The following DIP2C variants were observed in gnomAD, a reference collection of about 807,000 sequenced individuals.
DIP2C encodes the protein DIP2 acetate--CoA ligase C (putative).
In DIP2C, 33 loss-of-function variants were observed where a neutral mutation model predicts 192.4. The ratio of observed to expected loss-of-function variants is 0.17; its 90% CI spans 0.13 to 0.23. The LOEUF (loss-of-function observed/expected upper bound fraction) is 0.23, where lower values mean the gene tolerates loss of function less well. Among genes scored for constraint, DIP2C ranks in the 10% least tolerant of loss-of-function variants. DIP2C has a pLI of 1.00. For synonymous variants in DIP2C, 979 were observed against 864.1 expected (o/e 1.13, Z -2.33); for missense variants, 1,537 against 2,110.1 (o/e 0.73, Z 5.32).
chr10:406,068 A>C (rs962260164), intron 9 of DIP2C, among the ~76,000 whole-genome samples: 13 of 152,326 alleles, frequency 8.5e-5, no homozygotes, highest in African/African-American at 2.6e-4. Context: ...CCGTATCTCT[A>C]CTGACATCTT....
At chr10:572,166 A>G (rs769353591) in intron 1 of DIP2C, among the ~76,000 whole-genome samples, 1 of 152,230 alleles carries the variant, frequency 6.6e-6, no homozygotes, top group African/African-American at 2.4e-5. Context: ...GGGGCCCTCG[A>G]CAGCCTCATG....
At chr10:546,903 C>T (rs984902080) in intron 1 of DIP2C, among the ~76,000 whole-genome samples, 4 of 152,172 alleles carry the variant, frequency 2.6e-5, no homozygotes, top group East Asian at 1.9e-4. Flanking sequence ...TTGGGAATAA[C>T]GTAAGGTATT....
chr10:337,800 C>CCTAGGCAGCTGTGT (rs1564577014), intron 29 of DIP2C, among the ~76,000 whole-genome samples: 26 of 122,646 alleles, frequency 2.1e-4, no homozygotes, highest in Non-Finnish European at 3.6e-4. Context: ...TGTGTGTGCA[C>CCTAGGCAGCTGTGT]GTGTGTCGTG....
intron 3 of DIP2C, among the ~76,000 whole-genome samples, chr10:470,340 TC>T (rs1970529647): frequency 6.6e-6 from 1 of 152,106 alleles, no homozygotes; most frequent in Non-Finnish European, 1.5e-5. Flanking sequence ...GGGTCTAGCT[TC>T]CCCTCCAGAG....
At chr10:485,263 AG>A (rs987798692) in intron 2 of DIP2C, among the ~76,000 whole-genome samples, 3 of 152,226 alleles carry the variant, frequency 2.0e-5, no homozygotes, top group Non-Finnish European at 2.9e-5. Flanking sequence ...GCACCTGCAG[AG>A]GGGAACTCAC....
chr10:519,561 C>A (rs1846568138), intron 1 of DIP2C, among the ~76,000 whole-genome samples: 1 of 152,204 alleles, frequency 6.6e-6, no homozygotes, highest in Admixed American at 6.5e-5. Flanking sequence ...TGGGTCCCCC[C>A]AGCTGGCACC....
intron 1 of DIP2C, among the ~76,000 whole-genome samples, chr10:601,803 G>A (rs189431661): frequency 7.1e-4 from 108 of 152,364 alleles, no homozygotes; most frequent in African/African-American, 2.5e-3. Context: ...GGGGACGCAG[G>A]CGATGGGGTG....
chr10:459,117 T>C (rs1465198389), intron 3 of DIP2C, among the ~76,000 whole-genome samples: 2 of 152,206 alleles, frequency 1.3e-5, no homozygotes, highest in African/African-American at 4.8e-5. Context: ...ATTTTGATAT[T>C]TGTGGCATTA....
At chr10:417,704 C>CAGAGCTCGGACA (rs139265409) in intron 6 of DIP2C, among the ~76,000 whole-genome samples, 1 of 111,270 alleles carries the variant, frequency 9.0e-6, no homozygotes, top group Non-Finnish European at 1.9e-5. Flanking sequence ...CTGTGCCTGT[C>CAGAGCTCGGACA]GGCTCAAATA....
chr10:566,375 G>A (rs912398244), intron 1 of DIP2C, among the ~76,000 whole-genome samples: 3 of 152,316 alleles, frequency 2.0e-5, no homozygotes, highest in Non-Finnish European at 2.9e-5. Context: ...TGCTGCTGCC[G>A]GTTCACCTGG....
intron 1 of DIP2C, among the ~76,000 whole-genome samples, chr10:676,072 G>C (rs1420186390): frequency 6.6e-6 from 1 of 152,208 alleles, no homozygotes; most frequent in African/African-American, 2.4e-5. Flanking sequence ...CCACGATCAA[G>C]TGGGATTTCT....
intron 1 of DIP2C, among the ~76,000 whole-genome samples, chr10:514,570 C>G (rs1007227843): frequency 9.2e-5 from 14 of 152,212 alleles, no homozygotes; most frequent in Non-Finnish European, 1.8e-4. Flanking sequence ...CAGACCAGAC[C>G]TCACTCCAAG....
At position 363,140 on chromosome 10, in the gene DIP2C, G is replaced by A. The variant is rs1366127684; in HGVS notation, c.2592+57C>T. The A allele has an allele frequency of 2.7e-6, 4 of 1,494,696 alleles. No individual in the cohort carries two copies. Among genetic ancestry groups the A allele is most frequent in the African/African-American group, 2.8e-5 (2 of 72,448 alleles). The allele number at this position is 1,494,696 out of a possible 1,614,324, so 92.6% of individuals were successfully genotyped here. A position where few individuals can be genotyped will look rare whatever the true frequency, so the allele number is the denominator to read the frequency against. On this transcript the variant is annotated intron_variant, in intron 21 of 36. Coordinates refer to ENST00000280886, the MANE Select transcript of DIP2C (RefSeq NM_014974.3). The surrounding 1 kb of genome is among the most constrained non-coding windows in gnomAD (Gnocchi z 5.4). ...CTGGTCACACCATGATCTGAATGAA[G>A]TAAGGAGGCCAGAAACAAGACACAG...
chr10:297,101 G>A (rs140647526), intron 32 of DIP2C, among the ~76,000 whole-genome samples: 2,916 of 152,134 alleles, frequency 0.019, 82 homozygotes, highest in African/African-American at 0.066. Context: ...GGCTGAGGCA[G>A]GAGAATCACT....
At chr10:561,661 G>C (rs942566874) in intron 1 of DIP2C, among the ~76,000 whole-genome samples, 2 of 152,096 alleles carry the variant, frequency 1.3e-5, no homozygotes, top group Non-Finnish European at 2.9e-5. Flanking sequence ...AGTCAGGCTT[G>C]AAGGCCACCT....
rs150115777 is a variant in DIP2C at position 371,013 on chromosome 10, C to A, written c.1992-1380G>T. Among the ~76,000 whole-genome samples, 71 of 152,296 alleles carry A rather than the reference C, an allele frequency of 4.7e-4. 1 individual carries two copies. Among genetic ancestry groups the A allele is most frequent in the Non-Finnish European group, 8.5e-4 (58 of 68,026 alleles). On this transcript the variant is annotated intron_variant, in intron 17 of 36. Coordinates refer to ENST00000280886, the MANE Select transcript of DIP2C (RefSeq NM_014974.3). ...AAGTCTCCCCAAATAAGAAAACCCA[C>A]ACGGAACTACCTAGATAGGGCGAGC...
chr10:484,622 G>A (rs1843859406), intron 2 of DIP2C, among the ~76,000 whole-genome samples: 1 of 152,196 alleles, frequency 6.6e-6, no homozygotes, highest in African/African-American at 2.4e-5. Context: ...GGTCTCTGGC[G>A]AGCTCTGGGC....
intron 1 of DIP2C, chr10:649,852 G>A (rs1855741366): frequency 2.0e-6 from 1 of 509,110 alleles, no homozygotes; most frequent in East Asian, 3.5e-5. Flanking sequence ...TGCAGTAAGA[G>A]AAGCATGCCT....
At chr10:451,412 G>C (rs1016584898) in intron 3 of DIP2C, among the ~76,000 whole-genome samples, 4 of 152,090 alleles carry the variant, frequency 2.6e-5, no homozygotes, top group Non-Finnish European at 5.9e-5. Context: ...GTGGTCTCTC[G>C]CAGTAAAAAC....
Sources: allele counts gnomAD v4.1 joint callset (sites outside exome capture counted in the v4.1 genomes callset), GRCh38; gene constraint gnomAD v4.1.1; non-coding constraint Gnocchi (gnomAD v3.1); transcripts MANE v1.5; gene names NCBI Gene and HGNC (gene_info 2026-07-23, HGNC 2026-07-21).